The following TMEM144 variants were observed in gnomAD, a reference collection of about 807,000 sequenced individuals.
The protein encoded by TMEM144 is transmembrane protein 144.
A neutral mutation model predicts 43.6 loss-of-function variants in TMEM144; 39 were observed. The ratio of observed to expected loss-of-function variants is 0.90; its 90% CI spans 0.69 to 1.17. TMEM144 has a LOEUF of 1.17. Ranked by LOEUF, TMEM144 falls within the 50% of genes most tolerant of loss-of-function variation. TMEM144 has a pLI of 0.00. For synonymous variants in TMEM144, 154 were observed against 133.6 expected (o/e 1.15, Z -1.06); for missense variants, 417 against 411.9 (o/e 1.01, Z -0.11).
chr4:158,241,656 C>A, intron 11 of TMEM144, 50 bp downstream of exon 11: 1 of 1,512,882 alleles, frequency 6.6e-7, no homozygotes, highest in South Asian at 1.1e-5. Context: ...AATGTAAACC[C>A]AATTTTTCTG....
rs1396271280 is a variant in TMEM144 at position 158,253,826 on chromosome 4, A to G, written c.*299A>G. The stretch of plus-strand genomic sequence containing the variant: ...ACGAGGATGCTCTTTTTACCACAGT[A>G]TGTACCTAGTGTTGCATAATCTAGA... On this transcript the variant is annotated 3_prime_UTR_variant, in exon 13 of 13. Transcript: ENST00000296529. 2 of 347,162 alleles carry G rather than the reference A, an allele frequency of 5.8e-6. No homozygotes were observed. Among genetic ancestry groups the G allele is most frequent in the Non-Finnish European group, 1.1e-5 (2 of 184,762 alleles). The allele number at this position is 347,162 out of a possible 1,614,324, so 21.5% of individuals were successfully genotyped here.
chr4:158,251,755 G>A (rs918267100), intron 12 of TMEM144, among the ~76,000 whole-genome samples: 4 of 152,070 alleles, frequency 2.6e-5, no homozygotes, highest in Admixed American at 1.3e-4. Flanking sequence ...CTTTTTCCAG[G>A]AATCTTCATG....
intron 8 of TMEM144, among the ~76,000 whole-genome samples, chr4:158,236,785 C>T (rs946894371): frequency 6.6e-6 from 1 of 151,748 alleles, no homozygotes; most frequent in African/African-American, 2.4e-5. Context: ...CCACGCCTGG[C>T]CTGTTTTCTG....
chr4:158,232,901 T>G lies in TMEM144; in HGVS notation c.414T>G (p.Ser138Arg). 6.2e-7 allele frequency: 1 copy of G among 1,604,504 alleles called. No individual in the cohort carries two copies. The highest frequency in any genetic ancestry group is 1.7e-4 in the Middle Eastern group (1 of 5,902). Residue 138 changes from serine (S) to arginine (R), a missense_variant and splice_region_variant, in exon 7 of 13, where the codon AGT becomes AGG. Transcript: ENST00000296529. The stretch of plus-strand genomic sequence containing the variant: ...TCACTAAAATTTATTTTCCTTACAG[T>G]GCTTTCATATTTTTGTTCATCAAAA... Reference protein sequence around the residue: ...NYIGAGLSVVSAFIFLFIKSE... With the variant: ...NYIGAGLSVVRAFIFLFIKSE...
intron 12 of TMEM144, among the ~76,000 whole-genome samples, chr4:158,247,415 T>C (rs2111152342): frequency 6.6e-6 from 1 of 152,144 alleles, no homozygotes; most frequent in Admixed American, 6.5e-5. Flanking sequence ...AAGAAAATTA[T>C]AATTTGCAGA....
At chr4:158,231,663 T>C (rs923684910) in intron 6 of TMEM144, among the ~76,000 whole-genome samples, 1 of 151,934 alleles carries the variant, frequency 6.6e-6, no homozygotes, top group Non-Finnish European at 1.5e-5. Flanking sequence ...GTATCTAGGG[T>C]GTCCAGCTAG....
At chr4:158,224,848 C>T (rs1734683180) in intron 6 of TMEM144, among the ~76,000 whole-genome samples, 1 of 152,172 alleles carries the variant, frequency 6.6e-6, no homozygotes, top group Non-Finnish European at 1.5e-5. Flanking sequence ...CCACGTACAG[C>T]TCCCAGTCTA....
At chr4:158,250,195 CATATATATAT>C (rs5863314) in intron 12 of TMEM144, among the ~76,000 whole-genome samples, 30,758 of 135,292 alleles carry the variant, frequency 0.23, 3,528 homozygotes, top group African/African-American at 0.26. Context: ...TAATACATAA[CATATATATAT>C]ATATATATAT....
At chr4:158,237,691 A>G (rs1467793053) in intron 9 of TMEM144, 48 bp downstream of exon 9, 2 of 1,222,112 alleles carry the variant, frequency 1.6e-6, no homozygotes, top group African/African-American at 3.1e-5. Flanking sequence ...CTTTTTATGA[A>G]TATAAAAAGA....
chr4:158,253,718 A>G lies in TMEM144; in HGVS notation c.*191A>G, dbSNP rs761257265. 36 of 567,662 alleles carry G rather than the reference A, an allele frequency of 6.3e-5. No homozygotes were observed. Among genetic ancestry groups the G allele is most frequent in the Non-Finnish European group, 1.1e-4 (34 of 319,270 alleles). 35.2% of individuals were successfully genotyped at this position (567,662 alleles called of 1,614,324 possible). A position where few individuals can be genotyped will look rare whatever the true frequency, so the allele number is the denominator to read the frequency against. ...GATTGAGTTTCATTCAAGTATAAAAATGAAAATTTCTTCTGATGAACTGTT... is the reference window on the plus strand; with the variant it reads ...GATTGAGTTTCATTCAAGTATAAAAGTGAAAATTTCTTCTGATGAACTGTT... On this transcript the variant is annotated 3_prime_UTR_variant, in exon 13 of 13. Transcript: ENST00000296529.
intron 6 of TMEM144, among the ~76,000 whole-genome samples, chr4:158,226,476 A>T (rs1016066814): frequency 6.6e-6 from 1 of 152,200 alleles, no homozygotes; most frequent in Non-Finnish European, 1.5e-5. Flanking sequence ...TTTCTTTCTA[A>T]TTAACATTTT....
In TMEM144 at chr4:158,219,395, A is replaced by C; in HGVS notation, c.413+5A>C. 6.2e-7 allele frequency: 1 copy of C among 1,612,196 alleles called. No individual in the cohort carries two copies. The highest frequency in any genetic ancestry group is 8.5e-7 in the Non-Finnish European group (1 of 1,178,528). ...AGCTGGGCTATCAGTAGTAAGGTACACAGTCATTTCTAGTGATTTTGCTGT... is the reference window on the plus strand; with the variant it reads ...AGCTGGGCTATCAGTAGTAAGGTACCCAGTCATTTCTAGTGATTTTGCTGT... On this transcript the variant is annotated splice_donor_5th_base_variant and intron_variant, in intron 6 of 12. Coordinates refer to ENST00000296529, the MANE Select transcript of TMEM144 (RefSeq NM_018342.5).
rs1357628798 is a variant in TMEM144, at chr4:158,254,414, A to C, written c.*887A>C. 6.6e-6 allele frequency: 1 copy of C among 151,316 alleles called. No homozygotes were observed. The highest frequency in any genetic ancestry group is 2.4e-5 in the African/African-American group (1 of 41,174). The allele number at this position is 151,316 out of a possible 1,614,324, so 9.4% of individuals were successfully genotyped here. On this transcript the variant is annotated 3_prime_UTR_variant, in exon 13 of 13. Coordinates refer to ENST00000296529, the MANE Select transcript of TMEM144 (RefSeq NM_018342.5). ...TTAACTGGTGGTTTCCAGTAGGCAA[A>C]ATAAAATGACAGGCATGCTAGTTTT...
At chr4:158,228,567 A>G (rs1470555813) in intron 6 of TMEM144, among the ~76,000 whole-genome samples, 2 of 152,148 alleles carry the variant, frequency 1.3e-5, no homozygotes, top group Admixed American at 6.5e-5. Context: ...GGGGCCTGCC[A>G]CACACTGCTC....
intron 6 of TMEM144, among the ~76,000 whole-genome samples, 178 bp from the exon 7 acceptor site, chr4:158,232,723 C>T (rs1214504370): frequency 6.6e-6 from 1 of 152,234 alleles, no homozygotes; most frequent in Non-Finnish European, 1.5e-5. Flanking sequence ...AAATGAGAAA[C>T]ATCTAAGAGA....
rs1735880055 is a variant in TMEM144 at position 158,246,080 on chromosome 4, A to T, written c.954+1731A>T. Reference sequence around the variant, plus strand: ...TAGGAGTTCAAGTCTAGCCTGGGCAACATAGTAAGACCCTGTCTCCCTAAC... The same window carrying T: ...TAGGAGTTCAAGTCTAGCCTGGGCATCATAGTAAGACCCTGTCTCCCTAAC... On this transcript the variant is annotated intron_variant, in intron 12 of 12. Transcript: ENST00000296529. 2.0e-5 allele frequency among the ~76,000 whole-genome samples: 3 copies of T among 152,344 alleles called. No homozygotes were observed. The South Asian group carries it at 6.2e-4, about 32-fold the overall frequency.
In TMEM144 at chr4:158,253,593, C is replaced by G; in HGVS notation, c.*66C>G. On this transcript the variant is annotated 3_prime_UTR_variant, in exon 13 of 13. Transcript: ENST00000296529. ...CGCGTCTATCGGACAGCGGAGAGAT[C>G]ATGCTGAGAAAAGAGTGCATTTTCA... 7.4e-7 allele frequency: 1 copy of G among 1,345,028 alleles called. No homozygotes were observed. The highest frequency in any genetic ancestry group is 1.2e-5 in the South Asian group (1 of 81,232). The allele number at this position is 1,345,028 out of a possible 1,614,324, so 83.3% of individuals were successfully genotyped here.
At position 158,253,602 on chromosome 4, in the gene TMEM144, A is replaced by AAAAG; in HGVS notation, c.*77_*80dup. 1 of 1,242,906 alleles carries AAAAG rather than the reference A, an allele frequency of 8.0e-7. No homozygotes were observed. The highest frequency in any genetic ancestry group is 1.2e-6 in the Non-Finnish European group (1 of 864,116). The allele number at this position is 1,242,906 out of a possible 1,614,324, so 77.0% of individuals were successfully genotyped here. A position where few individuals can be genotyped will look rare whatever the true frequency, so the allele number is the denominator to read the frequency against. On this transcript the variant is annotated 3_prime_UTR_variant, in exon 13 of 13. Coordinates refer to ENST00000296529, the MANE Select transcript of TMEM144 (RefSeq NM_018342.5). ...CGGACAGCGGAGAGATCATGCTGAG[A>AAAAG]AAAGAGTGCATTTTCATATAGCAAA...
At position 158,215,391 on chromosome 4, in the gene TMEM144, A is replaced by G. The variant is rs1239900565; in HGVS notation, c.232+78A>G. 11 of 1,518,278 alleles carry G rather than the reference A, an allele frequency of 7.2e-6. No homozygotes were observed. In the East Asian group the frequency reaches 1.7e-4, roughly 23 times the overall value. 94.1% of individuals were successfully genotyped at this position (1,518,278 alleles called of 1,614,324 possible). ...ATTCTCGTTCACAATAGGAGGAAAT[A>G]GCGCAAACAGTGATTCTGAATAACC... On this transcript the variant is annotated intron_variant, in intron 4 of 12. Transcript: ENST00000296529.
Sources: allele counts gnomAD v4.1 joint callset (sites outside exome capture counted in the v4.1 genomes callset), GRCh38; gene constraint gnomAD v4.1.1; transcripts MANE v1.5; gene names NCBI Gene and HGNC (gene_info 2026-07-23, HGNC 2026-07-21).